PRR11: variants seen among roughly 807,000 people sequenced by gnomAD.
PRR11 encodes proline-rich protein 11.
In PRR11, 30 loss-of-function variants were observed where a neutral mutation model predicts 45.6. The observed-to-expected ratio is 0.66, with a 90% CI of 0.49 to 0.89. PRR11 has a LOEUF of 0.89. Among genes scored for constraint, PRR11 ranks in the 40% least tolerant of loss-of-function variants. The pLI, the probability that PRR11 is intolerant of heterozygous loss-of-function variation, is 0.00. For synonymous variants in PRR11, 128 were observed against 153.5 expected, an observed-to-expected ratio of 0.83 and a Z score of 1.23; for missense variants, 373 against 424.8, an observed-to-expected ratio of 0.88 and a Z score of 1.07.
chr17:59,160,569 G>A (rs992751002), intron 1 of PRR11, among the ~76,000 whole-genome samples: 3 of 151,828 alleles, frequency 2.0e-5, no homozygotes, highest in East Asian at 1.9e-4. Context: ...CACCATGCAC[G>A]GCCTATAATA....
chr17:59,175,033 AC>A, intron 2 of PRR11: 2 of 646,018 alleles, frequency 3.1e-6, no homozygotes, highest in Non-Finnish European at 5.5e-6. Flanking sequence ...AGTTTATGGA[AC>A]AAGGGTATCT....
intron 2 of PRR11, among the ~76,000 whole-genome samples, chr17:59,181,049 G>T (rs1368766579): frequency 6.6e-6 from 1 of 151,280 alleles, no homozygotes; most frequent in African/African-American, 2.4e-5. Flanking sequence ...GAGTGTAGTG[G>T]CGCGATCTCA....
intron 4 of PRR11, among the ~76,000 whole-genome samples, chr17:59,191,220 C>T (rs1181393811): frequency 1.0e-5 from 1 of 98,182 alleles, no homozygotes; most frequent in African/African-American, 4.0e-5. Context: ...TTCTTTTTTT[C>T]TTTTTTTTTT....
At chr17:59,161,234 C>G (rs1446994100) in intron 1 of PRR11, among the ~76,000 whole-genome samples, 1 of 151,934 alleles carries the variant, frequency 6.6e-6, no homozygotes, top group Non-Finnish European at 1.5e-5. Context: ...TGGCGAAACC[C>G]CATCTCTACT....
Position 59,206,057 on chromosome 17 carries a change from AAAAG to A in PRR11, c.*4434_*4437del, listed in dbSNP as rs1046945384. 3.3e-5 allele frequency among the ~76,000 whole-genome samples: 5 copies of A among 151,928 alleles called. No individual in the cohort carries two copies. The highest frequency in any genetic ancestry group is 2.0e-4 in the Admixed American group (3 of 15,224). On this transcript the variant is annotated 3_prime_UTR_variant, in exon 10 of 10. Coordinates refer to ENST00000262293, the MANE Select transcript of PRR11 (RefSeq NM_018304.4). Reference sequence around the variant, plus strand: ...CAGAGTGAGACCTTGTCTCAAAAAAAAAAGAAAGAAAAAGAAAAATGCTTTATGG... The same window carrying A: ...CAGAGTGAGACCTTGTCTCAAAAAAAAAAGAAAAAGAAAAATGCTTTATGG...
At chr17:59,163,837 C>T (rs1466622104) in intron 1 of PRR11, among the ~76,000 whole-genome samples, 1 of 151,980 alleles carries the variant, frequency 6.6e-6, no homozygotes, top group African/African-American at 2.4e-5. Context: ...GAGGCCAAGG[C>T]TGATGGATCT....
At chr17:59,172,648 G>A (rs991708973) in intron 2 of PRR11, among the ~76,000 whole-genome samples, 2 of 152,256 alleles carry the variant, frequency 1.3e-5, no homozygotes, top group African/African-American at 4.8e-5. Flanking sequence ...CCCGGGCAGT[G>A]AGGGGCTTAG....
chr17:59,206,179 CA>C lies in PRR11; in HGVS notation c.*4550del, dbSNP rs2046917347. Among the ~76,000 whole-genome samples the C allele has an allele frequency of 1.3e-5, 2 of 152,044 alleles. No individual in the cohort carries two copies. The highest frequency in any genetic ancestry group is 4.8e-5 in the African/African-American group (2 of 41,392). The stretch of plus-strand genomic sequence containing the variant: ...GCCAAGAGTTCAAAACAAGCCTGGG[CA>C]ACACTGCAAGACCCCAACTCTACAA... On this transcript the variant is annotated 3_prime_UTR_variant, in exon 10 of 10. Transcript: ENST00000262293.
chr17:59,194,620 T>C, intron 5 of PRR11, 137 bp from the exon 6 acceptor site: 1 of 533,050 alleles, frequency 1.9e-6, no homozygotes, highest in Non-Finnish European at 3.3e-6. Context: ...CTTGGTTGAG[T>C]AGAAAGAATA....
intron 4 of PRR11, among the ~76,000 whole-genome samples, chr17:59,191,964 G>A (rs1169972973): frequency 1.3e-5 from 2 of 152,142 alleles, no homozygotes; most frequent in Admixed American, 6.6e-5. Flanking sequence ...TACCATTTGT[G>A]GGAGACTGAA....
intron 7 of PRR11, among the ~76,000 whole-genome samples, chr17:59,195,696 A>T (rs2046862638): frequency 6.6e-6 from 1 of 152,180 alleles, no homozygotes. Flanking sequence ...TTTTCTGGGC[A>T]TATGGTTTAT....
chr17:59,189,286 C>T (rs559579460), intron 4 of PRR11, among the ~76,000 whole-genome samples: 3 of 150,968 alleles, frequency 2.0e-5, no homozygotes, highest in Admixed American at 6.6e-5. Context: ...GGTGACAAAG[C>T]GAGACTGTCT....
chr17:59,181,770 C>A, intron 2 of PRR11: 1 of 1,554,594 alleles, frequency 6.4e-7, no homozygotes, highest in Non-Finnish European at 8.7e-7. Context: ...ACCAGGCCAC[C>A]ATGTAATGCT....
chr17:59,184,853 T>TG, intron 2 of PRR11, among the ~76,000 whole-genome samples: 2 of 135,672 alleles, frequency 1.5e-5, no homozygotes, highest in South Asian at 2.5e-4. Flanking sequence ...TGATTAAGTT[T>TG]TTTTTTTTTT....
chr17:59,196,034 G>A lies in PRR11; in HGVS notation c.857+591G>A, dbSNP rs1000766137. 1.2e-4 allele frequency among the ~76,000 whole-genome samples: 17 copies of A among 139,114 alleles called. No homozygotes were observed. The Admixed American group carries it at 1.4e-3, about 11-fold the overall frequency. 91.3% of individuals were successfully genotyped at this position (139,114 alleles called of 152,430 possible). The stretch of plus-strand genomic sequence containing the variant: ...GCCCAGGAGATCAAGGCTGCAGTAA[G>A]AAGTGATTGTGCCACTGTACTCCAG... On this transcript the variant is annotated intron_variant, in intron 7 of 9. Transcript: ENST00000262293.
intron 4 of PRR11, among the ~76,000 whole-genome samples, chr17:59,186,587 G>T (rs1049679342): frequency 1.0e-4 from 15 of 149,608 alleles, no homozygotes; most frequent in African/African-American, 3.0e-4. Context: ...AGGGATGGGG[G>T]TCTCACTTTG....
intron 1 of PRR11, among the ~76,000 whole-genome samples, chr17:59,158,569 G>A (rs150987807): frequency 5.8e-4 from 88 of 152,292 alleles, no homozygotes; most frequent in Admixed American, 1.4e-3. Context: ...TTGTACATAC[G>A]TACAGAAAGA....
intron 2 of PRR11, among the ~76,000 whole-genome samples, chr17:59,176,684 CTTTTTTTTTTT>C (rs71367676): frequency 2.3e-4 from 9 of 39,002 alleles, no homozygotes; most frequent in African/African-American, 4.9e-4. Flanking sequence ...GTTTTTTTGG[CTTTTTTTTTTT>C]TTTTTTTTTT....
At chr17:59,177,720 A>G (rs1447431127) in intron 2 of PRR11, among the ~76,000 whole-genome samples, 1 of 152,186 alleles carries the variant, frequency 6.6e-6, no homozygotes, top group African/African-American at 2.4e-5. Context: ...ACAAATAATA[A>G]AAAGACCAAG....
Sources: allele counts gnomAD v4.1 joint callset (sites outside exome capture counted in the v4.1 genomes callset), GRCh38; gene constraint gnomAD v4.1.1; transcripts MANE v1.5; gene names NCBI Gene and HGNC (gene_info 2026-07-23, HGNC 2026-07-21).